The following SOX5 variants were observed in gnomAD, a reference collection of about 807,000 sequenced individuals.
SOX5 encodes the protein transcription factor SOX-5.
A neutral mutation model predicts 92.0 loss-of-function variants in SOX5; 9 were observed. The ratio of observed to expected loss-of-function variants is 0.10; its 90% CI spans 0.06 to 0.17. The LOEUF (loss-of-function observed/expected upper bound fraction) is 0.17, where lower values mean the gene tolerates loss of function less well. SOX5 is among the 10% of genes least tolerant of loss of function. The pLI, the probability that SOX5 is intolerant of heterozygous loss-of-function variation, is 1.00. For missense variants in SOX5, 642 were observed against 944.5 expected, an observed-to-expected ratio of 0.68 and a Z score of 4.20; for synonymous variants, 344 against 336.3, an observed-to-expected ratio of 1.02 and a Z score of -0.25.
chr12:23,979,698 G>GTTTTTTTTTTTTTTTTTTT lies in SOX5; in HGVS notation c.-1-83675_-1-83674insAAAAAAAAAAAAAAAAAAA, dbSNP rs67253622. Among the ~76,000 whole-genome samples, 109 of 64,706 alleles carry GTTTTTTTTTTTTTTTTTTT rather than the reference G, an allele frequency of 1.7e-3. 46 individuals carry two copies. In the East Asian group the frequency reaches 0.023, roughly 14 times the overall value. 42.4% of individuals were successfully genotyped at this position (64,706 alleles called of 152,430 possible). A position where few individuals can be genotyped will look rare whatever the true frequency, so the allele number is the denominator to read the frequency against. Reference sequence around the variant, plus strand: ...TTCTTCCTTCCATATATATATATATGTTTTTTTTGTTTTTTTTTTTTTTTT... The same window carrying GTTTTTTTTTTTTTTTTTTT: ...TTCTTCCTTCCATATATATATATATGTTTTTTTTTTTTTTTTTTTTTTTTTTTGTTTTTTTTTTTTTTTT... On this transcript the variant is annotated intron_variant, in intron 4 of 4. Coordinates refer to the SOX5 transcript ENST00000446891.
chr12:24,531,475 A>T (rs1447811554), intron 1 of SOX5, among the ~76,000 whole-genome samples: 1 of 152,228 alleles, frequency 6.6e-6, no homozygotes, highest in African/African-American at 2.4e-5. Context: ...TATTGTGATT[A>T]TGACTATACT....
intron 6 of SOX5, among the ~76,000 whole-genome samples, chr12:23,726,456 T>C (rs981369651): frequency 3.3e-5 from 5 of 152,180 alleles, no homozygotes; most frequent in African/African-American, 1.2e-4. Flanking sequence ...CCCCCAGCTA[T>C]AGCATTTATT....
chr12:23,979,974 C>CAGATAGAT (rs201558116), intron 4 of SOX5, among the ~76,000 whole-genome samples: 23 of 143,480 alleles, frequency 1.6e-4, no homozygotes, highest in African/African-American at 5.9e-4. Context: ...GATAGATAGA[C>CAGATAGAT]AGATAGATAG....
intron 2 of SOX5, among the ~76,000 whole-genome samples, chr12:24,344,326 A>G (rs906790831): frequency 1.3e-5 from 2 of 149,958 alleles, no homozygotes. Flanking sequence ...TAAGATACAA[A>G]TGGTGCCTTA....
rs552197521 is a variant in SOX5, at chr12:24,118,032, A to G, written c.-2+95311T>C. ...AGACTCTCATTCAAAAAAAAAAAAA[A>G]AAAAAAGAAAAAAAAAATCTGTCTC... On this transcript the variant is annotated intron_variant, in intron 4 of 4. Transcript: ENST00000446891. Among the ~76,000 whole-genome samples, 226 of 149,362 alleles carry G rather than the reference A, an allele frequency of 1.5e-3. No homozygotes were observed. In the South Asian group the frequency reaches 0.02, roughly 13 times the overall value.
At chr12:24,356,981 G>T (rs10842332) in intron 2 of SOX5, among the ~76,000 whole-genome samples, 5 of 152,056 alleles carry the variant, frequency 3.3e-5, no homozygotes, top group Non-Finnish European at 7.4e-5. Flanking sequence ...AGAGAAAAAA[G>T]GCTGATCATG....
At chr12:24,496,822 T>C (rs997458094) in intron 1 of SOX5, among the ~76,000 whole-genome samples, 6 of 152,176 alleles carry the variant, frequency 3.9e-5, no homozygotes, top group African/African-American at 1.2e-4. Context: ...AAACATAACT[T>C]GGTTTAAGAA....
At chr12:23,912,818 T>C (rs7302062) in intron 1 of SOX5, among the ~76,000 whole-genome samples, 51,514 of 151,870 alleles carry the variant, frequency 0.34, 9,741 homozygotes, top group Non-Finnish European at 0.44. Flanking sequence ...TTGGTGGTTG[T>C]CTAGGGTAGG....
intron 4 of SOX5, among the ~76,000 whole-genome samples, chr12:24,157,160 G>A (rs1030447661): frequency 2.0e-5 from 3 of 151,796 alleles, no homozygotes; most frequent in Non-Finnish European, 2.9e-5. Context: ...TGTTTCATTA[G>A]CATTTCTATG....
intron 1 of SOX5, among the ~76,000 whole-genome samples, chr12:24,505,359 T>C (rs1948616098): frequency 6.6e-6 from 1 of 152,104 alleles, no homozygotes; most frequent in South Asian, 2.1e-4. Flanking sequence ...AAACGATCAA[T>C]GTAAGAGAAG....
chr12:24,500,817 T>G (rs1428607736), intron 1 of SOX5, among the ~76,000 whole-genome samples: 6 of 152,170 alleles, frequency 3.9e-5, no homozygotes, highest in East Asian at 3.8e-4. Flanking sequence ...ACTTTCCACT[T>G]CAAATTCATG....
chr12:24,217,138 G>T (rs1027736086), intron 3 of SOX5, among the ~76,000 whole-genome samples: 2 of 152,156 alleles, frequency 1.3e-5, no homozygotes, highest in Admixed American at 1.3e-4. Context: ...CACTTTTTGT[G>T]AGATAGCTAA....
chr12:24,436,028 G>C (rs577857905), intron 1 of SOX5, among the ~76,000 whole-genome samples: 1 of 152,174 alleles, frequency 6.6e-6, no homozygotes, highest in Non-Finnish European at 1.5e-5. Flanking sequence ...TAGATATTGT[G>C]TGTGCTCTGA....
intron 1 of SOX5, among the ~76,000 whole-genome samples, chr12:24,494,467 A>C (rs1947410783): frequency 6.6e-6 from 1 of 152,246 alleles, no homozygotes; most frequent in Non-Finnish European, 1.5e-5. Flanking sequence ...TGAAACAGAT[A>C]GCATAGTTTA....
At chr12:23,819,939 T>C (rs1203293465) in intron 3 of SOX5, among the ~76,000 whole-genome samples, 1 of 152,224 alleles carries the variant, frequency 6.6e-6, no homozygotes, top group Non-Finnish European at 1.5e-5. Flanking sequence ...CCTTTGGGTA[T>C]ATACCCAGTA....
intron 10 of SOX5, among the ~76,000 whole-genome samples, chr12:23,573,883 GATA>G: frequency 6.6e-6 from 1 of 152,022 alleles, no homozygotes; most frequent in East Asian, 1.9e-4. Flanking sequence ...CCAGAAAACA[GATA>G]ATAATAAATG....
At position 24,415,929 on chromosome 12, in the gene SOX5, A is replaced by G. The variant is rs553416206; in HGVS notation, c.-250-47290T>C. Among the ~76,000 whole-genome samples the G allele has an allele frequency of 6.6e-5, 10 of 152,364 alleles. 1 individual carries two copies. The South Asian group carries it at 1.5e-3, about 22-fold the overall frequency. ...AATGACAGGAAAGGGGCTTAACAAC[A>G]AAACACAGGTTGTGCGTCAACACAT... On this transcript the variant is annotated intron_variant, in intron 1 of 4. Coordinates refer to the SOX5 transcript ENST00000446891.
At chr12:23,779,775 T>C (rs988677045) in intron 3 of SOX5, among the ~76,000 whole-genome samples, 1 of 129,390 alleles carries the variant, frequency 7.7e-6, no homozygotes, top group African/African-American at 3.0e-5. Flanking sequence ...GAATCTTCAA[T>C]TTCACAGATT....
chr12:24,159,349 T>C (rs953806806), intron 4 of SOX5, among the ~76,000 whole-genome samples: 4 of 151,980 alleles, frequency 2.6e-5, no homozygotes, highest in Non-Finnish European at 5.9e-5. Flanking sequence ...TATTACAAAT[T>C]CAACTCTCTG....
Sources: allele counts gnomAD v4.1 joint callset (sites outside exome capture counted in the v4.1 genomes callset), GRCh38; gene constraint gnomAD v4.1.1; transcripts MANE v1.5; gene names NCBI Gene and HGNC (gene_info 2026-07-23, HGNC 2026-07-21).